The following TMEM87A variants were observed in gnomAD, a reference collection of about 807,000 sequenced individuals.
The protein encoded by TMEM87A is Golgi-pH regulating cation channel.
Under a neutral mutation model 90.0 loss-of-function variants are expected in TMEM87A, and 50 were observed. The ratio of observed to expected loss-of-function variants is 0.56; its 90% CI spans 0.44 to 0.70. The LOEUF (loss-of-function observed/expected upper bound fraction) is 0.70, where lower values mean the gene tolerates loss of function less well. Among genes scored for constraint, TMEM87A ranks in the 30% least tolerant of loss-of-function variants. The probability of loss-of-function intolerance (pLI) is 0.00; values close to 1 mark genes in which losing one functional copy is unlikely to be tolerated. For synonymous variants in TMEM87A, 226 were observed against 226.7 expected (o/e 1.00, Z 0.03); for missense variants, 577 against 660.5 (o/e 0.87, Z 1.39).
chr15:42,266,402 G>C (rs12913710), intron 3 of TMEM87A, among the ~76,000 whole-genome samples: 1 of 151,976 alleles, frequency 6.6e-6, no homozygotes, highest in Non-Finnish European at 1.5e-5. Context: ...TGTAATCCCA[G>C]CTACTTGGGA....
chr15:42,246,302 GTTTTT>G (rs201536145), intron 6 of TMEM87A, among the ~76,000 whole-genome samples: 1 of 150,858 alleles, frequency 6.6e-6, no homozygotes, highest in African/African-American at 2.4e-5. Context: ...AAGTTTTGTT[GTTTTT>G]TTTTATACCT....
intron 6 of TMEM87A, among the ~76,000 whole-genome samples, chr15:42,256,777 G>A (rs2051192520): frequency 6.6e-6 from 1 of 152,164 alleles, no homozygotes; most frequent in African/African-American, 2.4e-5. Flanking sequence ...GAGTGAAGTG[G>A]TGTGACTTTG....
At chr15:42,241,609 G>C (rs1398876213) in intron 7 of TMEM87A, among the ~76,000 whole-genome samples, 1 of 152,060 alleles carries the variant, frequency 6.6e-6, no homozygotes, top group Admixed American at 6.6e-5. Flanking sequence ...TCCATTAAAG[G>C]TTTCGATGAA....
At chr15:42,245,705 T>C (rs2050959818) in intron 6 of TMEM87A, among the ~76,000 whole-genome samples, 1 of 151,250 alleles carries the variant, frequency 6.6e-6, no homozygotes, top group Non-Finnish European at 1.5e-5. Flanking sequence ...TTTTTTTTTG[T>C]ATTTTTGGTA....
At chr15:42,233,655 C>T (rs1378393432) in intron 10 of TMEM87A, among the ~76,000 whole-genome samples, 4 of 152,204 alleles carry the variant, frequency 2.6e-5, no homozygotes, top group Non-Finnish European at 5.9e-5. Flanking sequence ...ATCCCCTTTC[C>T]ACCCTTTCAT....
intron 4 of TMEM87A, among the ~76,000 whole-genome samples, 173 bp downstream of exon 4, chr15:42,263,917 C>T (rs1399765739): frequency 6.6e-6 from 1 of 152,176 alleles, no homozygotes; most frequent in Non-Finnish European, 1.5e-5. Flanking sequence ...AAGCAAAGTA[C>T]AACCTCTCTT....
At chr15:42,238,243 A>T (rs2050811462) in intron 8 of TMEM87A, among the ~76,000 whole-genome samples, 1 of 152,002 alleles carries the variant, frequency 6.6e-6, no homozygotes, top group Non-Finnish European at 1.5e-5. Context: ...AGGCCAGTCT[A>T]GGCAACATAG....
intron 8 of TMEM87A, among the ~76,000 whole-genome samples, chr15:42,238,160 G>C (rs1394392466): frequency 1.3e-5 from 2 of 152,066 alleles, no homozygotes; most frequent in Non-Finnish European, 2.9e-5. Context: ...TTTCTGGTCA[G>C]GCGTGGTAAT....
chr15:42,223,618 G>A (rs534003855), intron 15 of TMEM87A, among the ~76,000 whole-genome samples: 27 of 152,244 alleles, frequency 1.8e-4, no homozygotes, highest in Admixed American at 8.5e-4. Context: ...TCCACCTTCT[G>A]TCATGTGACG....
intron 13 of TMEM87A, 152 bp downstream of exon 13, chr15:42,228,560 C>T: frequency 1.6e-6 from 1 of 634,936 alleles, no homozygotes; most frequent in Non-Finnish European, 2.7e-6. Context: ...TTTTAAAAAC[C>T]ACAGATCCTT....
At chr15:42,252,122 G>T (rs954920956) in intron 6 of TMEM87A, among the ~76,000 whole-genome samples, 1 of 152,238 alleles carries the variant, frequency 6.6e-6, no homozygotes, top group South Asian at 2.1e-4. Context: ...ATTAAGGCGG[G>T]AGTGTCCCAG....
intron 3 of TMEM87A, among the ~76,000 whole-genome samples, chr15:42,267,523 A>C (rs1479228511): frequency 6.6e-6 from 1 of 152,202 alleles, no homozygotes; most frequent in East Asian, 1.9e-4. Context: ...TGAAGGAGGG[A>C]ATATAAGAAT....
At chr15:42,241,076 G>A (rs1293133407) in intron 7 of TMEM87A, among the ~76,000 whole-genome samples, 2 of 152,160 alleles carry the variant, frequency 1.3e-5, no homozygotes, top group Admixed American at 6.6e-5. Context: ...CCACCTCGCA[G>A]AGTTGGGTAG....
At chr15:42,261,749 T>C (rs1261430011) in intron 4 of TMEM87A, among the ~76,000 whole-genome samples, 1 of 151,798 alleles carries the variant, frequency 6.6e-6, no homozygotes, top group Non-Finnish European at 1.5e-5. Context: ...TTCTCCTGCC[T>C]CAGCCTCCCG....
intron 15 of TMEM87A, chr15:42,224,310 T>C (rs1039042419): frequency 1.7e-4 from 26 of 152,254 alleles, no homozygotes; most frequent in African/African-American, 6.3e-4. Flanking sequence ...GTTTCCCACA[T>C]TGGCAATAGT....
At chr15:42,267,710 T>C (rs548194248) in intron 3 of TMEM87A, among the ~76,000 whole-genome samples, 22 of 152,226 alleles carry the variant, frequency 1.4e-4, no homozygotes, top group Non-Finnish European at 2.6e-4. Flanking sequence ...TTGTAATTTC[T>C]AATAGCATAA....
At chr15:42,272,436 C>A (rs1481544913) in intron 1 of TMEM87A, among the ~76,000 whole-genome samples, 1 of 152,152 alleles carries the variant, frequency 6.6e-6, no homozygotes, top group Non-Finnish European at 1.5e-5. Flanking sequence ...AAAGGTATAA[C>A]GTTTACCATA....
chr15:42,236,989 C>G (rs926134335), intron 9 of TMEM87A, among the ~76,000 whole-genome samples: 4 of 152,198 alleles, frequency 2.6e-5, no homozygotes, highest in Admixed American at 2.0e-4. Context: ...CTTACTAAAC[C>G]ATAAGCACTC....
chr15:42,227,826 A>G, intron 13 of TMEM87A, 57 bp from the exon 14 acceptor site: 3 of 1,496,524 alleles, frequency 2.0e-6, no homozygotes, highest in Middle Eastern at 3.4e-4. Context: ...ATCCCCAATT[A>G]CATTCCCCCA....
Sources: gnomAD v4.1 joint callset for allele counts (sites outside exome capture counted in the v4.1 genomes callset) on GRCh38, gnomAD v4.1.1 for gene constraint, MANE v1.5 for transcripts, NCBI Gene and HGNC (gene_info 2026-07-23, HGNC 2026-07-21) for gene names.